MYOM1: variants seen among roughly 807,000 people sequenced by gnomAD.
MYOM1 encodes the protein myomesin-1.
MYOM1 carries 164 observed loss-of-function variants against 205.3 expected under a neutral mutation model. The ratio of observed to expected loss-of-function variants is 0.80; its 90% confidence interval spans 0.70 to 0.91. The LOEUF is 0.91. Ranked by LOEUF, MYOM1 falls within the 40% of genes least tolerant of loss-of-function variation. MYOM1 has a pLI of 0.00. For synonymous variants in MYOM1, 772 were observed against 789.4 expected, an observed-to-expected ratio of 0.98 and a Z score of 0.37; for missense variants, 2,011 against 2,127.3, an observed-to-expected ratio of 0.95 and a Z score of 1.08.
chr18:3,099,176 T>C (rs1209992683), intron 25 of MYOM1, among the ~76,000 whole-genome samples: 1 of 152,186 alleles, frequency 6.6e-6, no homozygotes, highest in Non-Finnish European at 1.5e-5. Flanking sequence ...TCAGCCTCAC[T>C]ATCAAACAAG....
At chr18:3,070,851 C>A (rs1224389816) in intron 37 of MYOM1, among the ~76,000 whole-genome samples, 2 of 151,928 alleles carry the variant, frequency 1.3e-5, no homozygotes, top group Admixed American at 6.6e-5. Flanking sequence ...ACTCCGCCTC[C>A]TGGGCTCAAG....
intron 10 of MYOM1, among the ~76,000 whole-genome samples, chr18:3,160,057 C>A (rs910144102): frequency 6.7e-6 from 1 of 149,124 alleles, no homozygotes; most frequent in Non-Finnish European, 1.5e-5. Flanking sequence ...TCCTCCTCCT[C>A]CTCCTTCTTC....
chr18:3,182,508 C>T (rs1160598172), intron 5 of MYOM1, among the ~76,000 whole-genome samples: 1 of 152,192 alleles, frequency 6.6e-6, no homozygotes, highest in Non-Finnish European at 1.5e-5. Flanking sequence ...CACTATTTCA[C>T]ATAATGTTTA....
chr18:3,135,663 G>A lies in MYOM1; in HGVS notation c.2093C>T (p.Ala698Val), dbSNP rs1335839037. The change falls in exon 15 of 38, where the codon GCT (alanine) becomes GTT (valine). Residue 698 changes from alanine (A) to valine (V), a missense_variant. Transcript: ENST00000356443. This position sits in a 1 kb window ranked among gnomAD's most constrained non-coding sequence, Gnocchi z 4.1. ...TELPVKSPRF[A>V]LFDLAEGKSY... The stretch of plus-strand genomic sequence containing the variant: ...TTTCCCCTCGGCCAAGTCAAACAGA[G>A]CAAAGCGGGGAGACTTCACAGGGAG... The A allele has an allele frequency of 1.9e-6, 3 of 1,613,986 alleles. No homozygotes were observed. Among genetic ancestry groups the A allele is most frequent in the Non-Finnish European group, 2.5e-6 (3 of 1,179,872 alleles).
chr18:3,099,117 C>A (rs1311035824), intron 25 of MYOM1, among the ~76,000 whole-genome samples: 1 of 152,186 alleles, frequency 6.6e-6, no homozygotes, highest in Non-Finnish European at 1.5e-5. Context: ...CTGTGCCCAG[C>A]CAAAGTTGGT....
intron 27 of MYOM1, 133 bp from the exon 28 acceptor site, chr18:3,089,729 C>A (rs2079197040): frequency 1.7e-6 from 1 of 573,420 alleles, no homozygotes. Flanking sequence ...CATTTTTTAT[C>A]TTTATAGATG....
intron 26 of MYOM1, among the ~76,000 whole-genome samples, chr18:3,092,144 CAATT>C (rs908825405): frequency 6.6e-6 from 1 of 152,004 alleles, no homozygotes; most frequent in Non-Finnish European, 1.5e-5. Flanking sequence ...ATATAGTAGT[CAATT>C]AATAAATATC....
At chr18:3,072,370 T>TTTTTTTTTG (rs768555182) in intron 36 of MYOM1, among the ~76,000 whole-genome samples, 22 of 115,994 alleles carry the variant, frequency 1.9e-4, no homozygotes, top group East Asian at 5.2e-4. Flanking sequence ...TTTTTTTTTT[T>TTTTTTTTTG]TGAGGCAGAG....
chr18:3,069,952 G>C (rs1013790502), intron 37 of MYOM1, among the ~76,000 whole-genome samples: 4 of 152,130 alleles, frequency 2.6e-5, no homozygotes, highest in African/African-American at 9.7e-5. Context: ...AATCAACCGT[G>C]ATCATATTTT....
At chr18:3,104,565 G>A (rs1260312989) in intron 22 of MYOM1, among the ~76,000 whole-genome samples, 3 of 152,022 alleles carry the variant, frequency 2.0e-5, no homozygotes, top group Admixed American at 6.6e-5. Context: ...GAAAGAATAC[G>A]AACAATTTAA....
In MYOM1 at chr18:3,179,453, G is replaced by T. The variant is rs962190912; in HGVS notation, c.930-3319C>A. The stretch of plus-strand genomic sequence containing the variant: ...GATCCCCCTGCCTCAGCCTCCCAAA[G>T]TTGGATGATTTTAAATAAATGCACA... On this transcript the variant is annotated intron_variant, in intron 5 of 37. Coordinates refer to ENST00000356443, the MANE Select transcript of MYOM1 (RefSeq NM_003803.4). The surrounding 1 kb of genome is among the most constrained non-coding windows in gnomAD (Gnocchi z 4.4). Among the ~76,000 whole-genome samples, 9 of 152,180 alleles carry T rather than the reference G, an allele frequency of 5.9e-5. No homozygotes were observed. Among genetic ancestry groups the T allele is most frequent in the Non-Finnish European group, 1.5e-5 (1 of 68,024 alleles).
intron 8 of MYOM1, among the ~76,000 whole-genome samples, chr18:3,171,331 G>A (rs2080553520): frequency 6.6e-6 from 1 of 152,160 alleles, no homozygotes; most frequent in Non-Finnish European, 1.5e-5. Context: ...GCACAGCGCT[G>A]GGAGGCTGGG....
At chr18:3,148,371 T>A (rs1471101154) in intron 13 of MYOM1, among the ~76,000 whole-genome samples, 1 of 152,100 alleles carries the variant, frequency 6.6e-6, no homozygotes, top group Non-Finnish European at 1.5e-5. Flanking sequence ...TCAAAATAAT[T>A]ATGCTGAGTA....
the MYOM1 span, among the ~76,000 whole-genome samples, chr18:3,227,465 G>T: frequency 6.6e-6 from 1 of 152,124 alleles, no homozygotes; most frequent in African/African-American, 2.4e-5. Flanking sequence ...CTGGGGAAAG[G>T]GGGTAATGAG....
chr18:3,209,165 T>C lies in MYOM1; in HGVS notation c.290+5769A>G, dbSNP rs2081162231. On this transcript the variant is annotated intron_variant, in intron 2 of 37. Coordinates refer to ENST00000356443, the MANE Select transcript of MYOM1 (RefSeq NM_003803.4). The surrounding 1 kb of genome is among the most constrained non-coding windows in gnomAD (Gnocchi z 4.0). ...AAAATGGGGAACAAGTGAATGGTTT[T>C]ACTATCATCATACCACCTAAAGAGA... Among the ~76,000 whole-genome samples the C allele has an allele frequency of 6.6e-6, 1 of 152,210 alleles. No individual in the cohort carries two copies. The highest frequency in any genetic ancestry group is 1.5e-5 in the Non-Finnish European group (1 of 68,038).
At chr18:3,092,110 C>T (rs1424723689) in intron 26 of MYOM1, among the ~76,000 whole-genome samples, 1 of 152,152 alleles carries the variant, frequency 6.6e-6, no homozygotes, top group South Asian at 2.1e-4. Context: ...TCGCTATCTC[C>T]TTGGCATCTT....
chr18:3,128,045 A>G (rs1476330622), intron 18 of MYOM1, among the ~76,000 whole-genome samples: 1 of 152,252 alleles, frequency 6.6e-6, no homozygotes, highest in East Asian at 1.9e-4. Context: ...ATGCAATAAC[A>G]TCGAAGAGAA....
chr18:3,228,139 AATCCCC>A, the MYOM1 span, among the ~76,000 whole-genome samples: 1 of 152,252 alleles, frequency 6.6e-6, no homozygotes, highest in South Asian at 2.1e-4. This position sits in a 1 kb window ranked among gnomAD's most constrained non-coding sequence, Gnocchi z 4.5. Context: ...GCCAGCCCCC[AATCCCC>A]ATGTTCCCAA....
At chr18:3,246,281 G>C in the MYOM1 span, 1 of 152,186 alleles carries the variant, frequency 6.6e-6, no homozygotes, top group East Asian at 1.9e-4. Context: ...AGCCGTCTGG[G>C]GTTTGTCCCG....
Sources: allele counts gnomAD v4.1 joint callset (sites outside exome capture counted in the v4.1 genomes callset), GRCh38; gene constraint gnomAD v4.1.1; non-coding constraint Gnocchi (gnomAD v3.1); transcripts MANE v1.5; gene names NCBI Gene and HGNC (gene_info 2026-07-23, HGNC 2026-07-21).